ST8SIA2: variants seen among roughly 807,000 people sequenced by gnomAD.
ST8SIA2 encodes the protein ST8 alpha-N-acetyl-neuraminide alpha-2,8-sialyltransferase 2.
Under a neutral mutation model 37.6 loss-of-function variants are expected in ST8SIA2, and 22 were observed. That is an observed-to-expected ratio of 0.58 (90% CI 0.42 to 0.83). ST8SIA2 has a LOEUF of 0.83. Ranked by LOEUF, ST8SIA2 falls within the 40% of genes least tolerant of loss-of-function variation. The pLI is 0.00. For missense variants in ST8SIA2, 382 were observed against 484.7 expected, an observed-to-expected ratio of 0.79 and a Z score of 1.99; for synonymous variants, 205 against 201.2, an observed-to-expected ratio of 1.02 and a Z score of -0.16.
chr15:92,425,483 G>A (rs2141824097), intron 1 of ST8SIA2, among the ~76,000 whole-genome samples: 1 of 152,336 alleles, frequency 6.6e-6, no homozygotes. Context: ...AAGTGAACAA[G>A]ACAGGCTTCT....
At chr15:92,398,975 G>C (rs1272305006) in intron 1 of ST8SIA2, among the ~76,000 whole-genome samples, 1 of 152,226 alleles carries the variant, frequency 6.6e-6, no homozygotes, top group Non-Finnish European at 1.5e-5. Flanking sequence ...AGGAGGACCA[G>C]AGGAGGACTC....
chr15:92,462,745 C>A (rs1674004046), intron 5 of ST8SIA2, among the ~76,000 whole-genome samples: 1 of 152,058 alleles, frequency 6.6e-6, no homozygotes, highest in South Asian at 2.1e-4. Context: ...TCTAGAGACA[C>A]AATGGTAAGA....
rs539325906 is a variant in ST8SIA2, at chr15:92,445,726, T to C, written c.842+797T>C. ...ATTTTCCTGGTTAGGCCTGGATCTC[T>C]AATTCCAGGAAAGAGATTCCAAGAA... On this transcript the variant is annotated intron_variant, in intron 5 of 5. Coordinates refer to ENST00000268164, the MANE Select transcript of ST8SIA2 (RefSeq NM_006011.4). Among the ~76,000 whole-genome samples, 5 of 152,358 alleles carry C rather than the reference T, an allele frequency of 3.3e-5. No individual in the cohort carries two copies. The East Asian group carries it at 9.6e-4, about 29-fold the overall frequency.
chr15:92,397,751 A>G (rs1428042153), intron 1 of ST8SIA2, among the ~76,000 whole-genome samples: 3 of 152,248 alleles, frequency 2.0e-5, no homozygotes, highest in African/African-American at 4.8e-5. Context: ...AACTGGGCAC[A>G]CAAGGCATTC....
At chr15:92,398,060 G>A (rs548043417) in intron 1 of ST8SIA2, among the ~76,000 whole-genome samples, 29 of 152,276 alleles carry the variant, frequency 1.9e-4, no homozygotes, top group African/African-American at 6.5e-4. Context: ...TTGAAACCTG[G>A]GAGGAAGAGG....
At chr15:92,406,485 C>G (rs1163039181) in intron 1 of ST8SIA2, among the ~76,000 whole-genome samples, 3 of 152,220 alleles carry the variant, frequency 2.0e-5, no homozygotes, top group African/African-American at 7.2e-5. Context: ...CCTCCAAACC[C>G]TAGACCTGCC....
At chr15:92,452,831 A>T (rs757963842) in intron 5 of ST8SIA2, among the ~76,000 whole-genome samples, 22 of 152,188 alleles carry the variant, frequency 1.4e-4, no homozygotes, top group Non-Finnish European at 3.1e-4. Context: ...CTTTCTACTC[A>T]TAAGGAAATT....
intron 4 of ST8SIA2, among the ~76,000 whole-genome samples, chr15:92,438,959 G>A (rs1210574652): frequency 6.6e-6 from 1 of 152,232 alleles, no homozygotes; most frequent in East Asian, 1.9e-4. Context: ...TTGGAACACA[G>A]CCATGCCACC....
At position 92,465,785 on chromosome 15, in the gene ST8SIA2, C is replaced by T. The variant is rs1409857377; in HGVS notation, c.*1400C>T. On this transcript the variant is annotated 3_prime_UTR_variant, in exon 6 of 6. Coordinates refer to ENST00000268164, the MANE Select transcript of ST8SIA2 (RefSeq NM_006011.4). ...AGATTAAAAAAAAAATACCCAAAGC[C>T]AAATGCAGTTCCAAATAGTGGACAT... is the stretch of plus-strand genomic sequence containing the variant. The T allele has an allele frequency of 6.6e-6, 1 of 152,056 alleles. No homozygotes were observed. The highest frequency in any genetic ancestry group is 1.5e-5 in the Non-Finnish European group (1 of 68,020). The allele number at this position is 152,056 out of a possible 1,614,324, so 9.4% of individuals were successfully genotyped here.
intron 1 of ST8SIA2, among the ~76,000 whole-genome samples, chr15:92,403,269 A>G (rs1317267689): frequency 1.3e-5 from 2 of 152,108 alleles, no homozygotes; most frequent in African/African-American, 4.8e-5. Context: ...GCCTGACTCC[A>G]TGGTCCATCT....
intron 5 of ST8SIA2, among the ~76,000 whole-genome samples, chr15:92,456,102 CT>C (rs1246026171): frequency 2.2e-4 from 34 of 152,368 alleles, no homozygotes; most frequent in African/African-American, 7.9e-4. Context: ...CTTGCTGGAC[CT>C]CCTGCTGGGC....
intron 1 of ST8SIA2, among the ~76,000 whole-genome samples, chr15:92,398,577 G>A (rs550067932): frequency 6.6e-5 from 10 of 152,310 alleles, no homozygotes; most frequent in Admixed American, 3.9e-4. Flanking sequence ...CAGTGGCACT[G>A]TTTGTAGAGC....
chr15:92,451,018 T>C (rs1236005356), intron 5 of ST8SIA2, among the ~76,000 whole-genome samples: 1 of 152,226 alleles, frequency 6.6e-6, no homozygotes, highest in African/African-American at 2.4e-5. Context: ...AAGCATTTCA[T>C]GGGCAACTTG....
At chr15:92,397,533 G>A (rs2141793324) in intron 1 of ST8SIA2, among the ~76,000 whole-genome samples, 1 of 152,322 alleles carries the variant, frequency 6.6e-6, no homozygotes, top group East Asian at 1.9e-4. Flanking sequence ...TGGTAGCCAA[G>A]GAGTGAATTC....
At chr15:92,452,758 A>G (rs1202798564) in intron 5 of ST8SIA2, among the ~76,000 whole-genome samples, 1 of 152,184 alleles carries the variant, frequency 6.6e-6, no homozygotes, top group Non-Finnish European at 1.5e-5. Context: ...AGTTTAGGGA[A>G]TCGAAGGGGA....
At chr15:92,413,688 G>C (rs962012694) in intron 1 of ST8SIA2, among the ~76,000 whole-genome samples, 2 of 152,212 alleles carry the variant, frequency 1.3e-5, no homozygotes, top group Admixed American at 1.3e-4. Context: ...TAAATCTCCT[G>C]TCCACTTGTC....
At chr15:92,423,262 A>T (rs1000819436) in intron 1 of ST8SIA2, among the ~76,000 whole-genome samples, 1 of 152,170 alleles carries the variant, frequency 6.6e-6, no homozygotes, top group African/African-American at 2.4e-5. Context: ...CTGTACACTT[A>T]AAAATGGTTA....
intron 5 of ST8SIA2, among the ~76,000 whole-genome samples, chr15:92,458,346 C>T (rs967036460): frequency 6.6e-6 from 1 of 152,128 alleles, no homozygotes; most frequent in African/African-American, 2.4e-5. Flanking sequence ...TTGTCTTTGT[C>T]GCAGGCTATC....
At chr15:92,406,235 C>G (rs937573113) in intron 1 of ST8SIA2, among the ~76,000 whole-genome samples, 1 of 152,156 alleles carries the variant, frequency 6.6e-6, no homozygotes. Flanking sequence ...ACAATCACCT[C>G]GAGGATTTGT....
Sources: gnomAD v4.1 joint callset for allele counts (sites outside exome capture counted in the v4.1 genomes callset) on GRCh38, gnomAD v4.1.1 for gene constraint, MANE v1.5 for transcripts, NCBI Gene and HGNC (gene_info 2026-07-23, HGNC 2026-07-21) for gene names.